Variants in ACACA observed in about 807,000 individuals in gnomAD.
ACACA encodes acetyl-CoA carboxylase alpha.
Under a neutral mutation model 296.1 loss-of-function variants are expected in ACACA, and 103 were observed. The ratio of observed to expected loss-of-function variants is 0.35; its 90% confidence interval spans 0.30 to 0.41. ACACA has a LOEUF of 0.41. Ranked by LOEUF, ACACA falls within the 10% of genes least tolerant of loss-of-function variation. The pLI is 1.00. For synonymous variants in ACACA, 953 were observed against 1,038.6 expected (o/e 0.92, Z 1.58); for missense variants, 1,554 against 2,989.7 (o/e 0.52, Z 11.20).
intron 43 of ACACA, among the ~76,000 whole-genome samples, 200 bp downstream of exon 43, chr17:37,155,483 A>G (rs988142530): frequency 2.0e-5 from 3 of 152,178 alleles, no homozygotes; most frequent in African/African-American, 4.8e-5. Context: ...TGAATTAAGT[A>G]TTATAAATTT....
chr17:37,312,901 G>C (rs1439799422), intron 3 of ACACA, among the ~76,000 whole-genome samples: 3 of 151,974 alleles, frequency 2.0e-5, no homozygotes, highest in African/African-American at 4.8e-5. Flanking sequence ...AATATATAAA[G>C]GGAAAAAATA....
chr17:37,092,762 C>T (rs2072734499), intron 54 of ACACA, among the ~76,000 whole-genome samples: 1 of 152,226 alleles, frequency 6.6e-6, no homozygotes, highest in Admixed American at 6.5e-5. Context: ...AGGGAGGCTC[C>T]TCCCATTTCT....
chr17:37,142,007 T>G (rs946922536), intron 45 of ACACA, among the ~76,000 whole-genome samples: 39 of 151,638 alleles, frequency 2.6e-4, no homozygotes, highest in African/African-American at 8.7e-4. Context: ...TTTTTGTTTT[T>G]TTTTGTTTTT....
chr17:37,366,177 C>T (rs1173080522), intron 1 of ACACA, among the ~76,000 whole-genome samples: 1 of 152,114 alleles, frequency 6.6e-6, no homozygotes, highest in East Asian at 1.9e-4. Flanking sequence ...TGATTTCCTG[C>T]CCCATCCCTA....
intron 40 of ACACA, among the ~76,000 whole-genome samples, 160 bp from the exon 41 acceptor site, chr17:37,179,566 T>C (rs1315692969): frequency 6.6e-6 from 1 of 152,230 alleles, no homozygotes; most frequent in African/African-American, 2.4e-5. Flanking sequence ...TCAGTTAAAA[T>C]AGATTTGTAA....
chr17:37,318,690 T>C (rs2047206385), intron 3 of ACACA, among the ~76,000 whole-genome samples: 1 of 152,162 alleles, frequency 6.6e-6, no homozygotes. Context: ...CAGTAAAAAA[T>C]TTTTATCTTA....
intron 25 of ACACA, among the ~76,000 whole-genome samples, chr17:37,228,315 T>C (rs1448099245): frequency 6.7e-6 from 1 of 149,486 alleles, no homozygotes; most frequent in Non-Finnish European, 1.5e-5. Flanking sequence ...AAACATATGA[T>C]GGGAGTTATA....
chr17:37,317,338 C>T (rs1221902600), intron 3 of ACACA, among the ~76,000 whole-genome samples: 2 of 151,858 alleles, frequency 1.3e-5, no homozygotes, highest in Non-Finnish European at 2.9e-5. Context: ...GCCTGTAATC[C>T]CAGCACTTTG....
At chr17:37,276,775 AG>A (rs2082299918) in intron 7 of ACACA, among the ~76,000 whole-genome samples, 1 of 152,238 alleles carries the variant, frequency 6.6e-6, no homozygotes, top group African/African-American at 2.4e-5. Context: ...TCAGAGTTTT[AG>A]AAACCAAAGC....
intron 25 of ACACA, among the ~76,000 whole-genome samples, chr17:37,228,954 G>T (rs1436399263): frequency 6.6e-6 from 1 of 151,986 alleles, no homozygotes; most frequent in Non-Finnish European, 1.5e-5. Flanking sequence ...CCATCCTGGA[G>T]AACACGGTTG....
At chr17:37,320,242 T>C (rs1161519487) in intron 3 of ACACA, among the ~76,000 whole-genome samples, 1 of 152,158 alleles carries the variant, frequency 6.6e-6, no homozygotes, top group African/African-American at 2.4e-5. Context: ...CTGGGCGCAG[T>C]GGCTCACGCC....
intron 15 of ACACA, 125 bp downstream of exon 15, chr17:37,252,761 G>T: frequency 7.5e-7 from 1 of 1,329,672 alleles, no homozygotes; most frequent in Non-Finnish European, 1.1e-6. Flanking sequence ...CTGACTCCTA[G>T]ATTTTTCCAG....
intron 7 of ACACA, 98 bp downstream of exon 7, chr17:37,276,935 C>A (rs2082306796): frequency 1.0e-6 from 1 of 1,003,502 alleles, no homozygotes; most frequent in South Asian, 1.3e-5. Flanking sequence ...GAGAGAGAGC[C>A]CAGCACATGT....
At chr17:37,119,425 G>GT (rs1265658799) in intron 50 of ACACA, among the ~76,000 whole-genome samples, 5 of 151,726 alleles carry the variant, frequency 3.3e-5, no homozygotes, top group Non-Finnish European at 7.4e-5. Flanking sequence ...ATTTCTCATG[G>GT]TATTTCCACT....
intron 55 of ACACA, 97 bp downstream of exon 55, chr17:37,088,841 T>TAA (rs2072407103): frequency 6.7e-7 from 1 of 1,490,116 alleles, no homozygotes. Flanking sequence ...GCAGAGATCA[T>TAA]AAGATTTCTG....
At chr17:37,235,758 C>A (rs1482178464) in intron 24 of ACACA, among the ~76,000 whole-genome samples, 1 of 152,116 alleles carries the variant, frequency 6.6e-6, no homozygotes, top group African/African-American at 2.4e-5. Flanking sequence ...CAAATCCAAC[C>A]CAAGGTATAG....
At chr17:37,111,475 T>C in intron 52 of ACACA, 56 bp downstream of exon 52, 1 of 1,307,668 alleles carries the variant, frequency 7.6e-7, no homozygotes, top group Non-Finnish European at 1.1e-6. Flanking sequence ...ATGAATGCAC[T>C]CATTACAAAT....
At chr17:37,259,298 A>G in intron 12 of ACACA, 62 bp downstream of exon 12, 4 of 1,592,758 alleles carry the variant, frequency 2.5e-6, no homozygotes, top group Non-Finnish European at 3.4e-6. Flanking sequence ...ACACTGGTTA[A>G]ACCCATTTTT....
chr17:37,351,708 C>G (rs1224922585), intron 1 of ACACA, among the ~76,000 whole-genome samples: 1 of 152,054 alleles, frequency 6.6e-6, no homozygotes, highest in Non-Finnish European at 1.5e-5. Context: ...AAAAGTTATC[C>G]TCTCTTCCAA....
Sources: gnomAD v4.1 joint callset for allele counts (sites outside exome capture counted in the v4.1 genomes callset) on GRCh38, gnomAD v4.1.1 for gene constraint, MANE v1.5 for transcripts, NCBI Gene and HGNC (gene_info 2026-07-23, HGNC 2026-07-21) for gene names.